Variants in SBF2 observed in about 807,000 individuals in gnomAD.
SBF2 encodes the protein SET binding factor 2.
A neutral mutation model predicts 225.2 loss-of-function variants in SBF2; 112 were observed. The observed-to-expected ratio is 0.50, with a 90% CI of 0.43 to 0.58. SBF2 has a LOEUF of 0.58. SBF2 is among the 20% of genes least tolerant of loss of function. The pLI is 0.00. For synonymous variants in SBF2, 763 were observed against 773.3 expected (o/e 0.99, Z 0.22); for missense variants, 1,996 against 2,206.2 (o/e 0.90, Z 1.91).
At chr11:10,259,830 C>T (rs1961256366) in intron 1 of SBF2, among the ~76,000 whole-genome samples, 2 of 151,802 alleles carry the variant, frequency 1.3e-5, no homozygotes, top group African/African-American at 4.9e-5. Context: ...TTGGAATAAA[C>T]ATGCAGACCT....
rs550624732 is a variant in SBF2, at chr11:9,967,229, G to A, written c.1600+1112C>T. On this transcript the variant is annotated intron_variant, in intron 14 of 39. Coordinates refer to ENST00000256190, the MANE Select transcript of SBF2 (RefSeq NM_030962.4). ...TACTAAAAATACAAAAAAATTAGCC[G>A]GGCCTGGTGGCGGGCGCCTGGAGTC... 6.6e-5 allele frequency among the ~76,000 whole-genome samples: 10 copies of A among 152,074 alleles called. No individual in the cohort carries two copies. The East Asian group carries it at 7.8e-4, about 12-fold the overall frequency.
chr11:10,004,507 T>A (rs1237992711), intron 6 of SBF2, among the ~76,000 whole-genome samples: 1 of 141,796 alleles, frequency 7.1e-6, no homozygotes, highest in African/African-American at 2.6e-5. Context: ...CAAAGGGAAG[T>A]CAAGCTAGGA....
intron 1 of SBF2, among the ~76,000 whole-genome samples, chr11:10,226,267 T>C (rs1318553891): frequency 6.6e-6 from 1 of 152,318 alleles, no homozygotes; most frequent in East Asian, 1.9e-4. Flanking sequence ...AGCATTATAC[T>C]ATGAAGTAAC....
At position 9,947,739 on chromosome 11, in the gene SBF2, G is replaced by C. The variant is rs565233365; in HGVS notation, c.1860+14218C>G. On this transcript the variant is annotated intron_variant, in intron 16 of 39. Transcript: ENST00000256190. ...GGGAGATGCAAATCAAAACCACAAT[G>C]TGATATCCGGTTCACATACATTAGG... is the stretch of plus-strand genomic sequence containing the variant. Among the ~76,000 whole-genome samples, 6 of 151,938 alleles carry C rather than the reference G, an allele frequency of 3.9e-5. No individual in the cohort carries two copies. In the South Asian group the frequency reaches 1.2e-3, roughly 32 times the overall value.
chr11:10,115,411 C>T (rs1033615615), intron 2 of SBF2, among the ~76,000 whole-genome samples: 12 of 152,106 alleles, frequency 7.9e-5, no homozygotes, highest in Non-Finnish European at 1.5e-4. Context: ...TCCATGTATT[C>T]CTTGCAACCA....
In SBF2 at chr11:10,178,756, C is replaced by T. The variant is rs534817977; in HGVS notation, c.141+15146G>A. 6.4e-4 allele frequency among the ~76,000 whole-genome samples: 93 copies of T among 144,934 alleles called. 1 individual carries two copies. The highest frequency in any genetic ancestry group is 2.3e-3 in the African/African-American group (89 of 39,070). On this transcript the variant is annotated intron_variant, in intron 2 of 39. Coordinates refer to ENST00000256190, the MANE Select transcript of SBF2 (RefSeq NM_030962.4). ...TTTACACTGTTGGTGGGACTGTAAACTAGTTCAACCATTGTGGAAGTCAGT... is the reference window on the plus strand; with the variant it reads ...TTTACACTGTTGGTGGGACTGTAAATTAGTTCAACCATTGTGGAAGTCAGT...
chr11:10,059,396 TA>T (rs1047453608), intron 2 of SBF2, among the ~76,000 whole-genome samples: 4 of 151,288 alleles, frequency 2.6e-5, no homozygotes, highest in Non-Finnish European at 4.4e-5. Context: ...CCAACAAAGA[TA>T]AAAAAAAGAC....
At chr11:9,798,410 C>T (rs1338144063) in intron 32 of SBF2, among the ~76,000 whole-genome samples, 2 of 152,150 alleles carry the variant, frequency 1.3e-5, no homozygotes, top group African/African-American at 4.8e-5. Context: ...GATGCTGGGA[C>T]AGAAGAAGGG....
At chr11:9,872,736 C>T (rs145077547) in intron 17 of SBF2, among the ~76,000 whole-genome samples, 94 of 152,144 alleles carry the variant, frequency 6.2e-4, no homozygotes, top group African/African-American at 2.2e-3. Flanking sequence ...GTATTTTTGG[C>T]TGGGTGCAAT....
At chr11:9,951,202 G>A (rs1053304053) in intron 16 of SBF2, among the ~76,000 whole-genome samples, 3 of 152,206 alleles carry the variant, frequency 2.0e-5, no homozygotes, top group Non-Finnish European at 4.4e-5. Context: ...CAATAGATGT[G>A]TAAGGCCTGG....
At chr11:10,085,193 G>A (rs1951516130) in intron 2 of SBF2, among the ~76,000 whole-genome samples, 1 of 152,140 alleles carries the variant, frequency 6.6e-6, no homozygotes. Context: ...CAAATGTCCA[G>A]TTTCTTGATT....
rs751395778 is a variant in SBF2 at position 9,809,050 on chromosome 11, G to A, written c.4156-48C>T. The A allele has an allele frequency of 8.6e-6, 12 of 1,390,556 alleles. 1 individual carries two copies. The South Asian group carries it at 1.3e-4, about 15-fold the overall frequency. The allele number at this position is 1,390,556 out of a possible 1,614,324, so 86.1% of individuals were successfully genotyped here. A position where few individuals can be genotyped will look rare whatever the true frequency, so the allele number is the denominator to read the frequency against. On this transcript the variant is annotated intron_variant, in intron 30 of 39. Coordinates refer to ENST00000256190, the MANE Select transcript of SBF2 (RefSeq NM_030962.4). ...CAATTAGACCAAGCGCTTTCTGAGT[G>A]CAGAAGTCAGAGAGAGTTGCTTTCA...
chr11:9,956,977 T>G (rs1866214468), intron 16 of SBF2: 1 of 152,328 alleles, frequency 6.6e-6, no homozygotes, highest in African/African-American at 2.4e-5. Context: ...AAAAATTACT[T>G]AGAAACTCTA....
intron 29 of SBF2, among the ~76,000 whole-genome samples, chr11:9,813,755 A>C (rs1421618980): frequency 6.6e-6 from 1 of 152,152 alleles, no homozygotes; most frequent in African/African-American, 2.4e-5. Flanking sequence ...CAGCCTGGCC[A>C]ACACGGTGAA....
intron 1 of SBF2, among the ~76,000 whole-genome samples, chr11:10,255,441 A>C (rs1960786133): frequency 6.6e-6 from 1 of 152,234 alleles, no homozygotes; most frequent in South Asian, 2.1e-4. Flanking sequence ...AATGGTTATA[A>C]ATATTTGAAA....
intron 2 of SBF2, among the ~76,000 whole-genome samples, chr11:10,104,083 T>C (rs1952441699): frequency 6.7e-6 from 1 of 148,996 alleles, no homozygotes; most frequent in African/African-American, 2.5e-5. Context: ...TGAGACCCTG[T>C]CTCAGAAAAA....
chr11:9,983,823 A>G (rs1947068977), intron 13 of SBF2, among the ~76,000 whole-genome samples: 1 of 152,174 alleles, frequency 6.6e-6, no homozygotes, highest in Admixed American at 6.5e-5. Context: ...GATCCAGGAG[A>G]GACAACAATC....
At position 9,875,439 on chromosome 11, in the gene SBF2, T is replaced by C. The variant is rs192319078; in HGVS notation, c.1930-17043A>G. On this transcript the variant is annotated intron_variant, in intron 17 of 39. Coordinates refer to ENST00000256190, the MANE Select transcript of SBF2 (RefSeq NM_030962.4). The stretch of plus-strand genomic sequence containing the variant: ...CTAGTGGTTTGCTATTTATGTTTCA[T>C]TTGTACAGTTTAAGGCCTACTTCCT... Among the ~76,000 whole-genome samples the C allele has an allele frequency of 3.9e-5, 6 of 152,330 alleles. No homozygotes were observed. In the East Asian group the frequency reaches 1.2e-3, roughly 29 times the overall value.
intron 26 of SBF2, among the ~76,000 whole-genome samples, chr11:9,836,398 T>G (rs950221984): frequency 2.6e-5 from 4 of 152,212 alleles, no homozygotes; most frequent in Non-Finnish European, 4.4e-5. Context: ...GTGTTATTTT[T>G]ATCTTAAATC....
Sources: allele counts gnomAD v4.1 joint callset (sites outside exome capture counted in the v4.1 genomes callset), GRCh38; gene constraint gnomAD v4.1.1; transcripts MANE v1.5; gene names NCBI Gene and HGNC (gene_info 2026-07-23, HGNC 2026-07-21).